Variants in PPP4R2 observed in about 807,000 individuals in gnomAD.
PPP4R2 encodes the protein serine/threonine-protein phosphatase 4 regulatory subunit 2.
A neutral mutation model predicts 47.2 loss-of-function variants in PPP4R2; 13 were observed. The observed-to-expected ratio is 0.28, with a 90% confidence interval of 0.18 to 0.44. PPP4R2 has a LOEUF of 0.44. Ranked by LOEUF, PPP4R2 falls within the 20% of genes least tolerant of loss-of-function variation. The pLI, the probability that PPP4R2 is intolerant of heterozygous loss-of-function variation, is 1.00. For synonymous variants in PPP4R2, 151 were observed against 163.3 expected (o/e 0.92, Z 0.57); for missense variants, 421 against 491.2 (o/e 0.86, Z 1.35).
intron 2 of PPP4R2, among the ~76,000 whole-genome samples, chr3:73,025,971 T>A (rs774595202): frequency 6.6e-6 from 1 of 152,174 alleles, no homozygotes; most frequent in African/African-American, 2.4e-5. Context: ...GTAGATAATA[T>A]CTGTTCATCA....
intron 5 of PPP4R2, chr3:73,062,840 G>A: frequency 6.2e-7 from 1 of 1,613,856 alleles, no homozygotes. Context: ...GAGAATTAAT[G>A]TTCACACTTC....
chr3:73,019,959 G>A (rs1218548452), intron 2 of PPP4R2, among the ~76,000 whole-genome samples: 1 of 152,120 alleles, frequency 6.6e-6, no homozygotes, highest in Non-Finnish European at 1.5e-5. Flanking sequence ...CCAAGGTGTA[G>A]GCTTCTTCTA....
chr3:73,064,471 C>T (rs999995757), intron 7 of PPP4R2, among the ~76,000 whole-genome samples: 5 of 152,156 alleles, frequency 3.3e-5, no homozygotes, highest in South Asian at 4.2e-4. Flanking sequence ...AGTCGTTTCT[C>T]ATTGTAGTTC....
chr3:73,028,502 G>A (rs1702110609), intron 2 of PPP4R2, among the ~76,000 whole-genome samples: 1 of 152,022 alleles, frequency 6.6e-6, no homozygotes, highest in Non-Finnish European at 1.5e-5. Flanking sequence ...CTTCCACCAG[G>A]CTCGAGTGCA....
At chr3:73,059,164 G>A (rs976722853) in intron 4 of PPP4R2, 34 bp downstream of exon 4, 1 of 1,048,796 alleles carries the variant, frequency 9.5e-7, no homozygotes, top group Non-Finnish European at 1.4e-6. Context: ...ATATTATGCT[G>A]TGGTGTAATA....
At chr3:73,062,595 C>T in intron 5 of PPP4R2, 7 of 1,613,964 alleles carry the variant, frequency 4.3e-6, no homozygotes, top group Non-Finnish European at 5.9e-6. Flanking sequence ...CAAAGATATG[C>T]CTAACTTTAT....
At chr3:73,032,807 A>G (rs142210440) in intron 2 of PPP4R2, among the ~76,000 whole-genome samples, 2,031 of 152,324 alleles carry the variant, frequency 0.013, 27 homozygotes, top group Non-Finnish European at 0.018. Context: ...ATTAGCATTC[A>G]ATATATACGT....
At chr3:73,012,304 CCTT>C (rs772128783) in intron 2 of PPP4R2, among the ~76,000 whole-genome samples, 18 of 152,116 alleles carry the variant, frequency 1.2e-4, no homozygotes, top group Admixed American at 2.0e-4. Context: ...AATATTTTCT[CCTT>C]CTTTTTTTTT....
chr3:73,001,945 G>A (rs557629862), intron 2 of PPP4R2, among the ~76,000 whole-genome samples: 2 of 152,262 alleles, frequency 1.3e-5, no homozygotes, highest in African/African-American at 4.8e-5. Flanking sequence ...AGCATTTTAA[G>A]TGTACAGTTT....
intron 2 of PPP4R2, among the ~76,000 whole-genome samples, chr3:73,012,501 C>T (rs1701746014): frequency 6.6e-6 from 1 of 152,114 alleles, no homozygotes; most frequent in Non-Finnish European, 1.5e-5. Flanking sequence ...CTGTGTTTCA[C>T]CATGTTAGCC....
intron 2 of PPP4R2, among the ~76,000 whole-genome samples, chr3:73,035,954 A>C (rs530870723): frequency 6.6e-6 from 1 of 152,324 alleles, no homozygotes; most frequent in African/African-American, 2.4e-5. Context: ...CATTATTTAC[A>C]GTAGCCAAGA....
chr3:73,019,944 T>C (rs988058622), intron 2 of PPP4R2, among the ~76,000 whole-genome samples: 1 of 152,208 alleles, frequency 6.6e-6, no homozygotes, highest in African/African-American at 2.4e-5. Flanking sequence ...ATAAATATTA[T>C]TCTGCCAAGG....
chr3:73,050,745 G>T (rs950787818), intron 3 of PPP4R2, among the ~76,000 whole-genome samples: 1 of 152,042 alleles, frequency 6.6e-6, no homozygotes, highest in Non-Finnish European at 1.5e-5. Flanking sequence ...ATTTGAAATG[G>T]CTACATTGTT....
At chr3:73,004,849 G>C (rs1282795539) in intron 2 of PPP4R2, among the ~76,000 whole-genome samples, 1 of 88,688 alleles carries the variant, frequency 1.1e-5, no homozygotes, top group Admixed American at 1.0e-4. Flanking sequence ...TGTGGGGTGT[G>C]TGTGTGTGTG....
intron 2 of PPP4R2, among the ~76,000 whole-genome samples, chr3:73,015,425 C>T (rs151107083): frequency 1.7e-4 from 25 of 151,262 alleles, no homozygotes; most frequent in African/African-American, 4.1e-4. Context: ...AATCCACCCG[C>T]GTTGGCCTCC....
intron 3 of PPP4R2, among the ~76,000 whole-genome samples, chr3:73,048,695 G>A (rs1001571774): frequency 6.6e-6 from 1 of 152,232 alleles, no homozygotes; most frequent in Non-Finnish European, 1.5e-5. Flanking sequence ...TCTAACCAGT[G>A]AATTCATAGT....
intron 1 of PPP4R2, chr3:72,997,398 T>C: frequency 4.9e-6 from 1 of 202,282 alleles, no homozygotes; most frequent in Non-Finnish European, 9.7e-6. Context: ...TCCTCTTTTC[T>C]CCACCAGGCT....
In PPP4R2 at chr3:73,003,201, C is replaced by T. The variant is rs562781433; in HGVS notation, c.116+5043C>T. 1.1e-4 allele frequency among the ~76,000 whole-genome samples: 16 copies of T among 145,196 alleles called. 1 individual carries two copies. In the South Asian group the frequency reaches 1.6e-3, roughly 15 times the overall value. ...CCCTTGTCTGAGCATATTGCTATTA[C>T]GTAACTTTCCCTTTTGTTTTTTTTT... On this transcript the variant is annotated intron_variant, in intron 2 of 8. Coordinates refer to ENST00000356692, the MANE Select transcript of PPP4R2 (RefSeq NM_174907.4).
intron 2 of PPP4R2, among the ~76,000 whole-genome samples, chr3:73,034,559 C>T (rs1408011781): frequency 3.3e-5 from 5 of 152,150 alleles, no homozygotes; most frequent in African/African-American, 1.2e-4. Flanking sequence ...TTTTTAGAGA[C>T]TGTTCCTCTT....
Sources: gnomAD v4.1 joint callset for allele counts (sites outside exome capture counted in the v4.1 genomes callset) on GRCh38, gnomAD v4.1.1 for gene constraint, MANE v1.5 for transcripts, NCBI Gene and HGNC (gene_info 2026-07-23, HGNC 2026-07-21) for gene names.